Variants in CEP95 observed in about 807,000 individuals in gnomAD.
CEP95 encodes centrosomal protein of 95 kDa.
CEP95 carries 98 observed loss-of-function variants against 111.2 expected under a neutral mutation model. The observed-to-expected ratio is 0.88, with a 90% confidence interval of 0.75 to 1.04. The LOEUF (loss-of-function observed/expected upper bound fraction) is 1.04, where lower values mean the gene tolerates loss of function less well. Ranked by LOEUF, CEP95 falls within the 50% of genes least tolerant of loss-of-function variation. The pLI is 0.00. For synonymous variants in CEP95, 323 were observed against 327.1 expected (o/e 0.99, Z 0.14); for missense variants, 1,027 against 977.2 (o/e 1.05, Z -0.68).
intron 1 of CEP95, chr17:64,507,514 T>G (rs2144307284): frequency 1.8e-6 from 2 of 1,140,998 alleles, no homozygotes; most frequent in South Asian, 2.4e-5. Context: ...ACAGCATTCT[T>G]AAGATTTATT....
At chr17:64,536,536 T>G in intron 17 of CEP95, 66 bp from the exon 18 acceptor site, 1 of 1,183,476 alleles carries the variant, frequency 8.4e-7, no homozygotes. Flanking sequence ...ATACAATCAG[T>G]ATATACCTCT....
chr17:64,533,072 G>T, intron 15 of CEP95, 45 bp from the exon 16 acceptor site: 1 of 1,605,690 alleles, frequency 6.2e-7, no homozygotes. Flanking sequence ...TAAGAATTTA[G>T]TGAACAGCAT....
Position 64,532,284 on chromosome 17 carries a change from G to A in CEP95, c.1672+262G>A, listed in dbSNP as rs568635683. 119 of 1,188,098 alleles carry A rather than the reference G, an allele frequency of 1.0e-4. 1 individual carries two copies. In the South Asian group the frequency reaches 3.3e-3, roughly 33 times the overall value. The allele number at this position is 1,188,098 out of a possible 1,614,324, so 73.6% of individuals were successfully genotyped here. A position where few individuals can be genotyped will look rare whatever the true frequency, so the allele number is the denominator to read the frequency against. ...CTGCTCCAGCGTTAGCCTCACTCGT[G>A]TGCTTACTCACTTTGACTGCCTTTT... is the stretch of plus-strand genomic sequence containing the variant. On this transcript the variant is annotated intron_variant, in intron 14 of 19. Transcript: ENST00000556440.
chr17:64,515,665 A>G (rs1208223513), intron 4 of CEP95: 2 of 152,206 alleles, frequency 1.3e-5, no homozygotes, highest in Admixed American at 6.5e-5. Context: ...AGGCTTCCCT[A>G]TATGACAGTA....
At position 64,532,966 on chromosome 17, in the gene CEP95, A is replaced by G. The variant is rs1555680679; in HGVS notation, c.1800A>G (p.Glu600=). ...QIAQVEQLKK[E]ACRENRSKKK... The stretch of plus-strand genomic sequence containing the variant: ...CACAGGTTGAACAGCTTAAGAAAGA[A>G]GCATGTAGAGAAAATCGATCAAAGA... Residue 600 remains glutamate (E), a synonymous_variant, in exon 15 of 20, where the codon GAA becomes GAG. Coordinates refer to ENST00000556440, the MANE Select transcript of CEP95 (RefSeq NM_138363.3). 1 of 1,613,670 alleles carries G rather than the reference A, an allele frequency of 6.2e-7. No homozygotes were observed. Among genetic ancestry groups the G allele is most frequent in the East Asian group, 2.2e-5 (1 of 44,872 alleles).
chr17:64,522,400 GGGA>G (rs1264354786), intron 7 of CEP95, among the ~76,000 whole-genome samples: 1 of 151,742 alleles, frequency 6.6e-6, no homozygotes, highest in Non-Finnish European at 1.5e-5. Flanking sequence ...CCAGCACTTT[GGGA>G]GGCCGAGGCA....
Position 64,537,593 on chromosome 17 carries a change from C to CT in CEP95, c.2290-4dup. ...TGTGAACAGCGGGATGACATGCCTT[C>CT]TTTTTTCAGACATTACATAAGGTGA... On this transcript the variant is annotated splice_polypyrimidine_tract_variant and intron_variant, in intron 19 of 19. Coordinates refer to ENST00000556440, the MANE Select transcript of CEP95 (RefSeq NM_138363.3). 1 of 1,580,006 alleles carries CT rather than the reference C, an allele frequency of 6.3e-7. No homozygotes were observed. Among genetic ancestry groups the CT allele is most frequent in the Non-Finnish European group, 8.6e-7 (1 of 1,158,334 alleles).
At chr17:64,520,977 C>T (rs1214417218) in intron 6 of CEP95, among the ~76,000 whole-genome samples, 1 of 152,200 alleles carries the variant, frequency 6.6e-6, no homozygotes, top group African/African-American at 2.4e-5. Flanking sequence ...GTCACAGTGG[C>T]TCACGCCTGT....
In CEP95 at chr17:64,537,913, TTA is replaced by T. The variant is rs1968768243; in HGVS notation, c.*136_*137del. 1 of 463,892 alleles carries T rather than the reference TTA, an allele frequency of 2.2e-6. No individual in the cohort carries two copies. The highest frequency in any genetic ancestry group is 3.5e-6 in the Non-Finnish European group (1 of 282,522). 28.7% of individuals were successfully genotyped at this position (463,892 alleles called of 1,614,324 possible). On this transcript the variant is annotated 3_prime_UTR_variant, in exon 20 of 20. Coordinates refer to ENST00000556440, the MANE Select transcript of CEP95 (RefSeq NM_138363.3). ...ACCTGTATTTTCATTCCAGTACTTT[TTA>T]TGATTTTTTAAATAAAAATTGTTTT...
Position 64,532,906 on chromosome 17 carries a change from C to G in CEP95, c.1740C>G (p.Gly580=). 1.2e-6 allele frequency: 2 copies of G among 1,613,868 alleles called. No homozygotes were observed. The highest frequency in any genetic ancestry group is 1.7e-6 in the Non-Finnish European group (2 of 1,179,848). The part of the protein sequence containing the change: ...LEQFPFLYVS[G]PTLSKMWKQQ... ...AGTTTCCGTTTCTTTATGTTTCTGGCCCAACACTAAGCAAAATGTGGAAAC... is the reference window on the plus strand; with the variant it reads ...AGTTTCCGTTTCTTTATGTTTCTGGGCCAACACTAAGCAAAATGTGGAAAC... The change falls in exon 15 of 20, where the codon GGC becomes GGG. Residue 580 remains glycine (G), a synonymous_variant. Coordinates refer to ENST00000556440, the MANE Select transcript of CEP95 (RefSeq NM_138363.3).
rs1360287145 is a variant in CEP95 at position 64,522,749 on chromosome 17, G to A, written c.763G>A (p.Glu255Lys). The change falls in exon 8 of 20, where the codon GAG becomes AAG. Residue 255 changes from glutamate (E) to lysine (K), a missense_variant. Coordinates refer to ENST00000556440, the MANE Select transcript of CEP95 (RefSeq NM_138363.3). ...GATTCCAAATGCTAGGAAGCTAGGG[G>A]AGCCTATCCGAGCAGCTATTCCTTT... ...SGIPNARKLG[E>K]PIRAAIPLHP... The A allele has an allele frequency of 6.2e-7, 1 of 1,613,664 alleles. No homozygotes were observed. The highest frequency in any genetic ancestry group is 8.5e-7 in the Non-Finnish European group (1 of 1,179,816).
chr17:64,530,802 G>A, intron 12 of CEP95, 124 bp from the exon 13 acceptor site: 1 of 545,554 alleles, frequency 1.8e-6, no homozygotes, highest in Non-Finnish European at 3.2e-6. Flanking sequence ...CTCGGTTGAG[G>A]CACCATTGGA....
intron 7 of CEP95, 100 bp downstream of exon 7, chr17:64,521,627 C>T (rs1170065755): frequency 9.5e-7 from 1 of 1,048,144 alleles, no homozygotes; most frequent in Non-Finnish European, 1.3e-6. Flanking sequence ...TATATGAGAT[C>T]CTTTTTGGTC....
chr17:64,518,949 A>C (rs1316957751), intron 5 of CEP95, among the ~76,000 whole-genome samples: 1 of 152,126 alleles, frequency 6.6e-6, no homozygotes, highest in Non-Finnish European at 1.5e-5. Context: ...CCAAAGTGCT[A>C]GGATTACAGG....
At chr17:64,529,192 A>G in intron 11 of CEP95, 96 bp from the exon 12 acceptor site, 2 of 1,099,582 alleles carry the variant, frequency 1.8e-6, no homozygotes, top group East Asian at 2.5e-5. Flanking sequence ...ACATTCACTC[A>G]TCAGTCTCTT....
At chr17:64,534,888 AC>A in intron 17 of CEP95, 151 bp downstream of exon 17, 1 of 831,204 alleles carries the variant, frequency 1.2e-6, no homozygotes, top group Non-Finnish European at 1.9e-6. Context: ...GCTTGGCCAC[AC>A]TTCATTTTCT....
chr17:64,536,209 T>C (rs1968643632), intron 17 of CEP95: 1 of 156,232 alleles, frequency 6.4e-6, no homozygotes, highest in African/African-American at 2.4e-5. Flanking sequence ...ACGCCTGTAA[T>C]CCCAGCACTT....
At chr17:64,532,695 A>G in intron 14 of CEP95, 144 bp from the exon 15 acceptor site, 3 of 1,442,812 alleles carry the variant, frequency 2.1e-6, no homozygotes, top group Non-Finnish European at 2.7e-6. Flanking sequence ...TCAGAGGAGT[A>G]ATGCAAATTA....
At position 64,532,944 on chromosome 17, in the gene CEP95, A is replaced by G. The variant is rs1968381038; in HGVS notation, c.1778A>G (p.Gln593Arg). 6.2e-7 allele frequency: 1 copy of G among 1,613,944 alleles called. No individual in the cohort carries two copies. The highest frequency in any genetic ancestry group is 2.2e-5 in the East Asian group (1 of 44,872). ...LSKMWKQQIAQVEQLKKEACR... is the reference protein window; with the variant it reads ...LSKMWKQQIARVEQLKKEACR... ...AAAATGTGGAAACAGCAAATTGCAC[A>G]GGTTGAACAGCTTAAGAAAGAAGCA... The change falls in exon 15 of 20, where the codon CAG (glutamine) becomes CGG (arginine). Residue 593 changes from glutamine to arginine, a missense_variant. By Grantham distance (43) the Gln-to-Arg change is conservative. Transcript: ENST00000556440.
Sources: gnomAD v4.1 joint callset for allele counts (sites outside exome capture counted in the v4.1 genomes callset) on GRCh38, gnomAD v4.1.1 for gene constraint, MANE v1.5 for transcripts, NCBI Gene and HGNC (gene_info 2026-07-23, HGNC 2026-07-21) for gene names.